The following GALNT14 variants were observed in gnomAD, a reference collection of about 807,000 sequenced individuals.
The protein encoded by GALNT14 is polypeptide N-acetylgalactosaminyltransferase 14.
GALNT14 carries 60 observed loss-of-function variants against 77.5 expected under a neutral mutation model. The observed-to-expected ratio is 0.77, with a 90% confidence interval of 0.63 to 0.96. The LOEUF (loss-of-function observed/expected upper bound fraction) is 0.96. Among genes scored for constraint, GALNT14 ranks in the 40% least tolerant of loss-of-function variants. The pLI, the probability that GALNT14 is intolerant of heterozygous loss-of-function variation, is 0.00. For synonymous variants in GALNT14, 280 were observed against 281.7 expected (o/e 0.99, Z 0.06); for missense variants, 710 against 731.0 (o/e 0.97, Z 0.33).
chr2:31,113,804 G>C (rs978568325), intron 1 of GALNT14, among the ~76,000 whole-genome samples: 2 of 152,130 alleles, frequency 1.3e-5, no homozygotes, highest in African/African-American at 4.8e-5. Flanking sequence ...AGACAACTCA[G>C]GCACAGAGGG....
At chr2:31,107,245 A>G (rs2148620665) in intron 1 of GALNT14, among the ~76,000 whole-genome samples, 1 of 152,228 alleles carries the variant, frequency 6.6e-6, no homozygotes, top group South Asian at 2.1e-4. Context: ...TGCTCACCCT[A>G]GTCCTTATTT....
At chr2:31,031,179 G>C (rs10174621) in intron 1 of GALNT14, among the ~76,000 whole-genome samples, 1 of 152,062 alleles carries the variant, frequency 6.6e-6, no homozygotes, top group African/African-American at 2.4e-5. Context: ...GTCCTATTTG[G>C]ATGCCATGTG....
chr2:31,086,136 C>G (rs900120771), intron 1 of GALNT14, among the ~76,000 whole-genome samples: 1 of 152,208 alleles, frequency 6.6e-6, no homozygotes, highest in African/African-American at 2.4e-5. Context: ...CAAGCCATAT[C>G]ATTTCCCCAC....
intron 1 of GALNT14, among the ~76,000 whole-genome samples, chr2:31,054,782 T>A (rs1284821886): frequency 6.6e-6 from 1 of 152,240 alleles, no homozygotes; most frequent in Non-Finnish European, 1.5e-5. Flanking sequence ...CAACTCAGCA[T>A]TACCGGTCCC....
chr2:31,013,113 A>G (rs745601103), intron 1 of GALNT14, among the ~76,000 whole-genome samples: 7 of 152,212 alleles, frequency 4.6e-5, no homozygotes, highest in Non-Finnish European at 8.8e-5. Context: ...ACCTTGGGCA[A>G]GTCACTGGGA....
chr2:31,063,849 G>A (rs1674763306), intron 1 of GALNT14, among the ~76,000 whole-genome samples: 2 of 152,128 alleles, frequency 1.3e-5, no homozygotes, highest in South Asian at 4.2e-4. Flanking sequence ...TCATGATTTG[G>A]CTCTCTGCTT....
At chr2:30,927,746 A>ACT (rs2148240979) in intron 11 of GALNT14, among the ~76,000 whole-genome samples, 1 of 152,214 alleles carries the variant, frequency 6.6e-6, no homozygotes, top group East Asian at 1.9e-4. Flanking sequence ...AGGGGCTGGG[A>ACT]AGAGTGGAGG....
chr2:30,889,915 C>T, the GALNT14 span, among the ~76,000 whole-genome samples: 1 of 152,120 alleles, frequency 6.6e-6, no homozygotes, highest in Non-Finnish European at 1.5e-5. Context: ...TCTAAAAGCA[C>T]TTAACAAGTT....
intron 6 of GALNT14, among the ~76,000 whole-genome samples, chr2:30,948,907 C>A (rs1000721103): frequency 6.6e-6 from 1 of 152,284 alleles, no homozygotes; most frequent in Admixed American, 6.5e-5. Flanking sequence ...ACTTTGGTCA[C>A]AGACTTCCCC....
intron 1 of GALNT14, among the ~76,000 whole-genome samples, chr2:31,073,493 GGAAC>G (rs1406488958): frequency 6.6e-6 from 1 of 151,898 alleles, no homozygotes; most frequent in Non-Finnish European, 1.5e-5. Flanking sequence ...AGAGGGGGGG[GGAAC>G]AGCATTTGGG....
At chr2:31,102,753 C>A (rs1252575819) in intron 1 of GALNT14, among the ~76,000 whole-genome samples, 1 of 151,980 alleles carries the variant, frequency 6.6e-6, no homozygotes, top group East Asian at 1.9e-4. Flanking sequence ...TAAAGTGATC[C>A]GTTACCAGCG....
At chr2:30,974,643 T>C (rs1668535985) in intron 2 of GALNT14, among the ~76,000 whole-genome samples, 2 of 152,210 alleles carry the variant, frequency 1.3e-5, no homozygotes, top group Non-Finnish European at 2.9e-5. Flanking sequence ...TCTTCTAATC[T>C]TGGCTTGGAA....
chr2:31,042,197 C>T (rs1006578586), intron 1 of GALNT14, among the ~76,000 whole-genome samples: 5 of 152,158 alleles, frequency 3.3e-5, no homozygotes, highest in African/African-American at 9.7e-5. Context: ...GCATTAATAA[C>T]AGGGTACTTT....
chr2:31,135,967 C>T (rs1260041178), intron 1 of GALNT14, among the ~76,000 whole-genome samples: 2 of 152,142 alleles, frequency 1.3e-5, no homozygotes, highest in South Asian at 4.1e-4. Context: ...TGTCCCAGAT[C>T]CCTGGTGTAA....
chr2:30,993,660 C>T (rs1573113579), intron 1 of GALNT14, among the ~76,000 whole-genome samples: 2 of 152,336 alleles, frequency 1.3e-5, no homozygotes, highest in East Asian at 3.9e-4. Flanking sequence ...ACAACCCTCA[C>T]CGTACATGGA....
intron 1 of GALNT14, among the ~76,000 whole-genome samples, chr2:31,080,617 CTT>C (rs1315737092): frequency 6.6e-6 from 1 of 152,178 alleles, no homozygotes; most frequent in Non-Finnish European, 1.5e-5. Context: ...TTCAGGATGA[CTT>C]ATTAAAGAAA....
intron 1 of GALNT14, among the ~76,000 whole-genome samples, chr2:31,052,587 C>A (rs904848936): frequency 6.6e-6 from 1 of 152,150 alleles, no homozygotes; most frequent in African/African-American, 2.4e-5. Flanking sequence ...GCCTGGCACT[C>A]TAGCTCCTGC....
chr2:30,983,778 AACAC>A (rs60061697), intron 2 of GALNT14, among the ~76,000 whole-genome samples: 5,065 of 120,562 alleles, frequency 0.042, 232 homozygotes, highest in African/African-American at 0.13. Context: ...TCACAAGTCA[AACAC>A]ACACACACAC....
Position 30,960,062 on chromosome 2 carries a change from T to G in GALNT14, c.399-1598A>C, listed in dbSNP as rs186308895. On this transcript the variant is annotated intron_variant, in intron 3 of 14. Coordinates refer to ENST00000349752, the MANE Select transcript of GALNT14 (RefSeq NM_024572.4). ...TGGAGCTACCATATTTATGAAGCCT[T>G]GATTCTCACCATGGCAACTAGTATC... Among the ~76,000 whole-genome samples, 288 of 152,280 alleles carry G rather than the reference T, an allele frequency of 1.9e-3. 3 individuals carry two copies. Among genetic ancestry groups the G allele is most frequent in the African/African-American group, 6.6e-3 (276 of 41,550 alleles).
Sources: allele counts gnomAD v4.1 joint callset (sites outside exome capture counted in the v4.1 genomes callset), GRCh38; gene constraint gnomAD v4.1.1; transcripts MANE v1.5; gene names NCBI Gene and HGNC (gene_info 2026-07-23, HGNC 2026-07-21).